PDCD11: variants seen among roughly 807,000 people sequenced by gnomAD.
PDCD11 encodes the protein protein RRP5 homolog.
PDCD11 carries 97 observed loss-of-function variants against 198.9 expected under a neutral mutation model. That is an observed-to-expected ratio of 0.49 (90% confidence interval 0.41 to 0.58). PDCD11 has a LOEUF of 0.58. Ranked by LOEUF, PDCD11 falls within the 20% of genes least tolerant of loss-of-function variation. The probability of loss-of-function intolerance (pLI) is 0.00; values close to 1 mark genes in which losing one functional copy is unlikely to be tolerated. For synonymous variants in PDCD11, 893 were observed against 918.0 expected (o/e 0.97, Z 0.49); for missense variants, 2,102 against 2,312.7 (o/e 0.91, Z 1.87).
chr10:103,438,557 A>C, intron 26 of PDCD11, 129 bp from the exon 27 acceptor site: 1 of 1,260,540 alleles, frequency 7.9e-7, no homozygotes, highest in Non-Finnish European at 1.1e-6. Context: ...TTGGGCTCTA[A>C]AGGTTATATC....
Position 103,419,641 on chromosome 10 carries a change from A to G in PDCD11, c.2210A>G (p.Lys737Arg). 2 of 1,614,166 alleles carry G rather than the reference A, an allele frequency of 1.2e-6. No individual in the cohort carries two copies. Among genetic ancestry groups the G allele is most frequent in the Non-Finnish European group, 8.5e-7 (1 of 1,180,016 alleles). The stretch of plus-strand genomic sequence containing the variant: ...GGAATGCTGCTCATTGGTTTTGTGA[A>G]GAGCATCAAGGACTATGGCGTGTTC... ...HPGMLLIGFVKSIKDYGVFIQ... is the reference protein window; with the variant it reads ...HPGMLLIGFVRSIKDYGVFIQ... The change falls in exon 16 of 36, where the codon AAG becomes AGG. Residue 737 changes from lysine to arginine, a missense_variant. Physicochemically the swap from Lys to Arg is conservative, Grantham distance 26. Coordinates refer to ENST00000369797, the MANE Select transcript of PDCD11 (RefSeq NM_014976.2).
intron 24 of PDCD11, 23 bp downstream of exon 24, chr10:103,434,373 G>A (rs773693836): frequency 1.4e-6 from 2 of 1,461,898 alleles, no homozygotes; most frequent in Non-Finnish European, 1.9e-6. Context: ...AACAGTGCCT[G>A]GTCGGGGAAG....
chr10:103,425,787 C>T (rs1314693272), intron 20 of PDCD11, among the ~76,000 whole-genome samples: 1 of 152,066 alleles, frequency 6.6e-6, no homozygotes, highest in Non-Finnish European at 1.5e-5. Context: ...TCACACCCTT[C>T]TCCTGCCTCA....
intron 30 of PDCD11, 85 bp from the exon 31 acceptor site, chr10:103,441,741 C>T: frequency 2.3e-6 from 3 of 1,296,470 alleles, no homozygotes; most frequent in Non-Finnish European, 3.3e-6. Flanking sequence ...TGGTAGGAGT[C>T]CATGCTCCTC....
At chr10:103,443,089 T>C in intron 32 of PDCD11, 76 bp from the exon 33 acceptor site, 1 of 1,344,860 alleles carries the variant, frequency 7.4e-7, no homozygotes. Context: ...GGGAGGTGGT[T>C]CCTGAGTCTG....
chr10:103,423,187 C>A, intron 18 of PDCD11, 50 bp downstream of exon 18: 1 of 1,473,818 alleles, frequency 6.8e-7, no homozygotes, highest in South Asian at 1.5e-5. Context: ...ACCCTTTGTC[C>A]ATTGCTCCCT....
Position 103,434,534 on chromosome 10 carries a change from C to T in PDCD11, c.3667+184C>T, listed in dbSNP as rs2032069631. 6 of 602,674 alleles carry T rather than the reference C, an allele frequency of 1.0e-5. 1 individual carries two copies. The South Asian group carries it at 1.2e-4, about 12-fold the overall frequency. The allele number at this position is 602,674 out of a possible 1,614,324, so 37.3% of individuals were successfully genotyped here. A position where few individuals can be genotyped will look rare whatever the true frequency, so the allele number is the denominator to read the frequency against. On this transcript the variant is annotated intron_variant, in intron 24 of 35. Coordinates refer to ENST00000369797, the MANE Select transcript of PDCD11 (RefSeq NM_014976.2). ...GCTCTGGCCCAGTTACTCCACTGCT[C>T]TCTGAGTTACCTTTACCTATACAGG...
At chr10:103,410,601 C>CTT (rs538298131) in intron 8 of PDCD11, among the ~76,000 whole-genome samples, 4 of 129,832 alleles carry the variant, frequency 3.1e-5, no homozygotes, top group Non-Finnish European at 5.0e-5. Context: ...CTTTTCTTTT[C>CTT]TTTTTTTTTT....
At chr10:103,404,877 C>G in intron 4 of PDCD11, 145 bp from the exon 5 acceptor site, 1 of 648,464 alleles carries the variant, frequency 1.5e-6, no homozygotes, top group South Asian at 2.0e-5. Flanking sequence ...GACCCAACTT[C>G]CTTTGTGGAT....
Position 103,442,231 on chromosome 10 carries a change from G to A in PDCD11, c.4726G>A (p.Glu1576Lys). The change falls in exon 32 of 36, where the codon GAA becomes AAA. Residue 1576 changes from glutamate (E) to lysine (K), a missense_variant. Transcript: ENST00000369797. ...ATAGCAGATAAAGAAAAGCAAGAAA[G>A]AAAGGGAGTTGGAGAAGCAGAAGGC... ...HQATIKKSKK[E>K]RELEKQKAEK... 1 of 1,614,140 alleles carries A rather than the reference G, an allele frequency of 6.2e-7. No individual in the cohort carries two copies. The highest frequency in any genetic ancestry group is 8.5e-7 in the Non-Finnish European group (1 of 1,180,010).
chr10:103,400,420 CA>C lies in PDCD11; in HGVS notation c.130del (p.Arg44GlufsTer14). 1 of 1,611,002 alleles carries C rather than the reference CA, an allele frequency of 6.2e-7. No individual in the cohort carries two copies. Among genetic ancestry groups the C allele is most frequent in the Non-Finnish European group, 8.5e-7 (1 of 1,179,082 alleles). The part of the protein sequence containing the change: ...FDISTEEGST[K>X]RKKSQKGPAK... Reference sequence around the variant, plus strand: ...AGATTTCTACTGAAGAGGGATCCACCAAAAGAAAAAAGAGCCAGAAGGGGCC... The same window carrying C: ...AGATTTCTACTGAAGAGGGATCCACCAAAGAAAAAAGAGCCAGAAGGGGCC... On this transcript the variant is annotated frameshift_variant, in exon 3 of 36. Coordinates refer to ENST00000369797, the MANE Select transcript of PDCD11 (RefSeq NM_014976.2). LOFTEE classifies it high-confidence loss of function.
chr10:103,419,935 G>A (rs1271379654), intron 16 of PDCD11, among the ~76,000 whole-genome samples: 2 of 144,670 alleles, frequency 1.4e-5, no homozygotes, highest in African/African-American at 5.2e-5. Context: ...GATTACAGGT[G>A]CCCACCAACA....
chr10:103,416,520 G>T lies in PDCD11; in HGVS notation c.1548G>T (p.Lys516Asn). The part of the protein sequence containing the change: ...RVLLCDPEAK[K>N]LMMTLKKTLI... ...TGCTTTGTGACCCTGAAGCCAAGAA[G>T]CTGATGATGACCCTGAAAAAAACCC... The change falls in exon 13 of 36, where the codon AAG becomes AAT. Residue 516 changes from lysine (K) to asparagine (N), a missense_variant. Transcript: ENST00000369797. 1 of 1,614,122 alleles carries T rather than the reference G, an allele frequency of 6.2e-7. No individual in the cohort carries two copies. The highest frequency in any genetic ancestry group is 8.5e-7 in the Non-Finnish European group (1 of 1,180,020).
chr10:103,434,756 G>A (rs1324942958), intron 24 of PDCD11, 42 bp from the exon 25 acceptor site: 1 of 1,553,900 alleles, frequency 6.4e-7, no homozygotes, highest in Non-Finnish European at 8.7e-7. Flanking sequence ...TCCTCCCTTA[G>A]CTCATTTCCT....
At chr10:103,437,061 T>A (rs2032181391) in intron 25 of PDCD11, among the ~76,000 whole-genome samples, 1 of 152,232 alleles carries the variant, frequency 6.6e-6, no homozygotes, top group African/African-American at 2.4e-5. Context: ...TCAAACGTTC[T>A]CAGGATCTAA....
chr10:103,405,012 T>G lies in PDCD11; in HGVS notation c.403-10T>G. 1 of 1,613,156 alleles carries G rather than the reference T, an allele frequency of 6.2e-7. No individual in the cohort carries two copies. The highest frequency in any genetic ancestry group is 8.5e-7 in the Non-Finnish European group (1 of 1,179,426). On this transcript the variant is annotated splice_polypyrimidine_tract_variant and intron_variant, in intron 4 of 35. Coordinates refer to ENST00000369797, the MANE Select transcript of PDCD11 (RefSeq NM_014976.2). ...GTGTATATCAGGTCTTTCTCATTTGTGTTATGCAGGACCTACTTCACTTGC... is the reference window on the plus strand; with the variant it reads ...GTGTATATCAGGTCTTTCTCATTTGGGTTATGCAGGACCTACTTCACTTGC...
In PDCD11 at chr10:103,413,192, C is replaced by G; in HGVS notation, c.1055C>G (p.Pro352Arg). Residue 352 changes from proline to arginine, a missense_variant, in exon 9 of 36, where the codon CCT becomes CGT. Physicochemically the swap from Pro to Arg is moderately radical, Grantham distance 103. Coordinates refer to ENST00000369797, the MANE Select transcript of PDCD11 (RefSeq NM_014976.2). ...HLSLRPIFLQPGRPLTRLSCQ... is the reference protein window; with the variant it reads ...HLSLRPIFLQRGRPLTRLSCQ... The stretch of plus-strand genomic sequence containing the variant: ...AGCCTGCGCCCCATCTTCCTACAGC[C>G]TGGACGCCCACTCACCCGACTCTCT... The G allele has an allele frequency of 6.2e-7, 1 of 1,614,182 alleles. No individual in the cohort carries two copies. Among genetic ancestry groups the G allele is most frequent in the Non-Finnish European group, 8.5e-7 (1 of 1,180,010 alleles).
chr10:103,414,338 C>T lies in PDCD11; in HGVS notation c.1371+8C>T, dbSNP rs775297236. The T allele has an allele frequency of 1.2e-6, 2 of 1,607,888 alleles. No homozygotes were observed. The highest frequency in any genetic ancestry group is 1.7e-5 in the Admixed American group (1 of 59,984). On this transcript the variant is annotated splice_region_variant and intron_variant, in intron 11 of 35. Transcript: ENST00000369797. Reference sequence around the variant, plus strand: ...CCTGGGGCAGTGGTAAAGGTAAGACCTCAAGCATATAATTAGGTACTGCCT... The same window carrying T: ...CCTGGGGCAGTGGTAAAGGTAAGACTTCAAGCATATAATTAGGTACTGCCT...
chr10:103,414,321 A>C lies in PDCD11; in HGVS notation c.1362A>C (p.Ala454=), dbSNP rs778040152. 6.2e-7 allele frequency: 1 copy of C among 1,613,064 alleles called. No homozygotes were observed. Among genetic ancestry groups the C allele is most frequent in the South Asian group, 1.1e-5 (1 of 91,052 alleles). Residue 454 remains alanine, a synonymous_variant, in exon 11 of 36, where the codon GCA becomes GCC. Coordinates refer to ENST00000369797, the MANE Select transcript of PDCD11 (RefSeq NM_014976.2). The stretch of plus-strand genomic sequence containing the variant: ...GATATCATGACATCGAACCTGGGGC[A>C]GTGGTAAAGGTAAGACCTCAAGCAT... ...YLRYHDIEPG[A]VVKGTVLTIK... is the part of the protein sequence containing the mutation.
Sources: allele counts gnomAD v4.1 joint callset (sites outside exome capture counted in the v4.1 genomes callset), GRCh38; gene constraint gnomAD v4.1.1; transcripts MANE v1.5; gene names NCBI Gene and HGNC (gene_info 2026-07-23, HGNC 2026-07-21).